RMDN2: variants seen among roughly 807,000 people sequenced by gnomAD.
The protein encoded by RMDN2 is regulator of microtubule dynamics 2, also known as regulator of microtubule dynamics protein 2.
A neutral mutation model predicts 52.8 loss-of-function variants in RMDN2; 61 were observed. That is an observed-to-expected ratio of 1.16 (90% CI 0.94 to 1.43). The LOEUF (loss-of-function observed/expected upper bound fraction) is 1.43, where lower values mean the gene tolerates loss of function less well. RMDN2 is among the 40% of genes most tolerant of loss of function. RMDN2 has a pLI of 0.00. For synonymous variants in RMDN2, 180 were observed against 153.1 expected (o/e 1.18, Z -1.30); for missense variants, 592 against 475.3 (o/e 1.25, Z -2.28).
chr2:37,931,038 T>A (rs1016603413), intron 2 of RMDN2, among the ~76,000 whole-genome samples: 1 of 141,548 alleles, frequency 7.1e-6, no homozygotes, highest in Admixed American at 7.2e-5. Context: ...CTTTTCTGAG[T>A]CACAGTTTCA....
chr2:37,987,895 C>G (rs1160072288), intron 5 of RMDN2, among the ~76,000 whole-genome samples: 1 of 151,868 alleles, frequency 6.6e-6, no homozygotes, highest in East Asian at 1.9e-4. Context: ...CCCATCTCTA[C>G]TAAAAATACA....
chr2:37,930,991 G>A (rs532682934), intron 2 of RMDN2, among the ~76,000 whole-genome samples: 24 of 152,068 alleles, frequency 1.6e-4, no homozygotes, highest in South Asian at 1.2e-3. Flanking sequence ...CACAGGCCCA[G>A]CGCTGCTACC....
intron 7 of RMDN2, among the ~76,000 whole-genome samples, chr2:37,996,588 CAAAAAAAAAAAAGAA>C (rs1213481158): frequency 9.1e-6 from 1 of 110,116 alleles, no homozygotes; most frequent in African/African-American, 3.0e-5. Flanking sequence ...GAGACATTGC[CAAAAAAAAAAAAGAA>C]AAAAAAAAAA....
chr2:38,002,110 G>C (rs1676400801), intron 8 of RMDN2, among the ~76,000 whole-genome samples: 1 of 152,084 alleles, frequency 6.6e-6, no homozygotes, highest in Admixed American at 6.5e-5. Flanking sequence ...TTCTCTTTTG[G>C]ATTCTGTACA....
chr2:37,928,928 T>G (rs1453045243), intron 1 of RMDN2: 1 of 158,522 alleles, frequency 6.3e-6, no homozygotes, highest in Non-Finnish European at 1.4e-5. Flanking sequence ...CTGCCTTCTT[T>G]TGGACCAAGT....
At chr2:37,933,133 G>A (rs940604756) in intron 2 of RMDN2, among the ~76,000 whole-genome samples, 4 of 151,558 alleles carry the variant, frequency 2.6e-5, no homozygotes, top group African/African-American at 4.9e-5. Context: ...CATCCCGGAC[G>A]GGGCAGCAGG....
intron 2 of RMDN2, among the ~76,000 whole-genome samples, chr2:37,940,996 T>C (rs1265578656): frequency 6.6e-6 from 1 of 152,252 alleles, no homozygotes; most frequent in African/African-American, 2.4e-5. Context: ...ATTTTCAGCC[T>C]ATTGGCACTG....
At chr2:38,057,038 C>G (rs1681878011) in intron 10 of RMDN2, among the ~76,000 whole-genome samples, 1 of 152,134 alleles carries the variant, frequency 6.6e-6, no homozygotes, top group Non-Finnish European at 1.5e-5. Context: ...CATCAACTGT[C>G]CAGGGCTCTA....
At chr2:37,951,339 C>G (rs1344363102) in intron 2 of RMDN2, 2 of 1,613,050 alleles carry the variant, frequency 1.2e-6, no homozygotes, top group Non-Finnish European at 8.5e-7. Flanking sequence ...AAGTATATCT[C>G]TTGGTCATAA....
chr2:37,974,945 A>C (rs1269780379), intron 3 of RMDN2: 8 of 345,992 alleles, frequency 2.3e-5, no homozygotes, highest in Non-Finnish European at 4.2e-5. Flanking sequence ...GTGCCTATCA[A>C]ATCTCTTCTC....
intron 8 of RMDN2, 80 bp downstream of exon 8, chr2:37,997,594 C>T (rs752617739): frequency 2.9e-5 from 27 of 944,668 alleles, no homozygotes; most frequent in Non-Finnish European, 3.7e-5. Flanking sequence ...TCAAGGAAAT[C>T]TTTTCTCCAT....
At chr2:38,004,912 T>C (rs1268013666) in intron 10 of RMDN2, among the ~76,000 whole-genome samples, 2 of 151,820 alleles carry the variant, frequency 1.3e-5, no homozygotes, top group Admixed American at 6.6e-5. Context: ...TGTGTTCTGA[T>C]TGTTCAGTTC....
intron 10 of RMDN2, among the ~76,000 whole-genome samples, chr2:38,004,815 G>GGT (rs1233638453): frequency 6.6e-6 from 1 of 151,658 alleles, no homozygotes; most frequent in Non-Finnish European, 1.5e-5. Context: ...TTTAACATTA[G>GGT]GTATATATAT....
At chr2:37,925,221 C>T (rs923973195), upstream of RMDN2, 1 of 152,262 alleles carries the variant, frequency 6.6e-6, no homozygotes, top group Non-Finnish European at 1.5e-5. Context: ...GAACCCACCA[C>T]GAGAGGGAGA....
chr2:37,955,163 CT>C, intron 2 of RMDN2, among the ~76,000 whole-genome samples: 1 of 152,042 alleles, frequency 6.6e-6, no homozygotes, highest in African/African-American at 2.4e-5. Context: ...TTGCTTCTTC[CT>C]TTCTAATTTG....
chr2:38,063,251 C>G (rs570210384), intron 10 of RMDN2, among the ~76,000 whole-genome samples: 3 of 152,148 alleles, frequency 2.0e-5, no homozygotes, highest in African/African-American at 7.2e-5. Flanking sequence ...AAAAGTGTTC[C>G]TATTTCTCCA....
chr2:37,938,717 A>G (rs1194151257), intron 2 of RMDN2, among the ~76,000 whole-genome samples: 2 of 152,090 alleles, frequency 1.3e-5, no homozygotes, highest in Non-Finnish European at 2.9e-5. Context: ...GGTAGTTTGT[A>G]TTTTTGTGGA....
chr2:38,060,493 G>C (rs560336162), intron 10 of RMDN2, among the ~76,000 whole-genome samples: 4 of 152,212 alleles, frequency 2.6e-5, no homozygotes, highest in Non-Finnish European at 5.9e-5. Flanking sequence ...CTTGCGGGCT[G>C]TGGGAATTGC....
chr2:37,981,481 T>G (rs1286721348), intron 5 of RMDN2, 138 bp downstream of exon 5: 1 of 603,084 alleles, frequency 1.7e-6, no homozygotes, highest in Non-Finnish European at 3.0e-6. Context: ...AATAGCACAG[T>G]AACTGTTCTT....
Sources: gnomAD v4.1 joint callset for allele counts (sites outside exome capture counted in the v4.1 genomes callset) on GRCh38, gnomAD v4.1.1 for gene constraint, MANE v1.5 for transcripts, NCBI Gene and HGNC (gene_info 2026-07-23, HGNC 2026-07-21) for gene names.